Variants in ZFAT observed in about 807,000 individuals in gnomAD.
ZFAT encodes the protein zinc finger and AT-hook domain containing.
Under a neutral mutation model 117.7 loss-of-function variants are expected in ZFAT, and 64 were observed. That is an observed-to-expected ratio of 0.54 (90% confidence interval 0.44 to 0.67). ZFAT has a LOEUF of 0.67. ZFAT is among the 30% of genes least tolerant of loss of function. ZFAT has a pLI of 0.00. For missense variants in ZFAT, 1,433 were observed against 1,584.5 expected, an observed-to-expected ratio of 0.90 and a Z score of 1.62; for synonymous variants, 679 against 615.0, an observed-to-expected ratio of 1.10 and a Z score of -1.54.
At chr8:134,498,202 T>C (rs71528356) in intron 15 of ZFAT, among the ~76,000 whole-genome samples, 602 of 64,558 alleles carry the variant, frequency 9.3e-3, no homozygotes, top group Non-Finnish European at 0.013. Context: ...TTGGTAGGGT[T>C]GGGGTGGAGC....
At chr8:134,519,049 C>T (rs1414096239) in intron 13 of ZFAT, among the ~76,000 whole-genome samples, 1 of 152,116 alleles carries the variant, frequency 6.6e-6, no homozygotes, top group Admixed American at 6.5e-5. Context: ...GTTTTAATAT[C>T]TGGTAGGATT....
At chr8:134,712,419 G>A (rs1488643544) in intron 1 of ZFAT, among the ~76,000 whole-genome samples, 3 of 152,184 alleles carry the variant, frequency 2.0e-5, no homozygotes, top group African/African-American at 7.2e-5. Flanking sequence ...CCGGCGGCCG[G>A]GAAGCCTGCA....
chr8:134,505,149 T>C (rs1364156305), intron 15 of ZFAT, among the ~76,000 whole-genome samples: 1 of 152,224 alleles, frequency 6.6e-6, no homozygotes, highest in Non-Finnish European at 1.5e-5. Context: ...TATAATTTAC[T>C]TATTACATGT....
At chr8:134,713,269 C>T (rs957556044), upstream of ZFAT, among the ~76,000 whole-genome samples, 33 of 152,232 alleles carry the variant, frequency 2.2e-4, no homozygotes, top group African/African-American at 7.0e-4. Context: ...AGGAGTCTGG[C>T]GGTTGTGCCA....
chr8:134,662,107 G>A (rs930101771), intron 1 of ZFAT, among the ~76,000 whole-genome samples: 2 of 152,186 alleles, frequency 1.3e-5, no homozygotes, highest in African/African-American at 2.4e-5. Context: ...ATCAATGCTT[G>A]GTGAGGGCTG....
intron 10 of ZFAT, among the ~76,000 whole-genome samples, chr8:134,580,049 C>T (rs1825611930): frequency 6.6e-6 from 1 of 151,808 alleles, no homozygotes; most frequent in South Asian, 2.1e-4. Context: ...GGACAGGATG[C>T]CGAGGCAGGG....
chr8:134,544,455 T>A (rs889686611), intron 11 of ZFAT, among the ~76,000 whole-genome samples: 42 of 151,182 alleles, frequency 2.8e-4, no homozygotes, highest in East Asian at 1.7e-3. Flanking sequence ...AATTTTTTTT[T>A]AAAAAAATTA....
chr8:134,679,996 A>C (rs185132763), intron 1 of ZFAT, among the ~76,000 whole-genome samples: 56 of 152,118 alleles, frequency 3.7e-4, no homozygotes, highest in African/African-American at 1.3e-3. Flanking sequence ...AATGCAGATG[A>C]CAGGTTGATG....
intron 10 of ZFAT, among the ~76,000 whole-genome samples, chr8:134,577,402 C>T (rs1405592642): frequency 6.6e-6 from 1 of 152,108 alleles, no homozygotes; most frequent in South Asian, 2.1e-4. Flanking sequence ...TTATTCAATT[C>T]CTTTTTACTT....
intron 15 of ZFAT, among the ~76,000 whole-genome samples, chr8:134,483,760 G>C (rs1361150642): frequency 6.6e-6 from 1 of 152,206 alleles, no homozygotes; most frequent in African/African-American, 2.4e-5. Flanking sequence ...GCTGTCTCCA[G>C]TGTTCTGGAG....
intron 15 of ZFAT, among the ~76,000 whole-genome samples, chr8:134,493,252 AG>A (rs942925517): frequency 6.6e-6 from 1 of 152,124 alleles, no homozygotes; most frequent in African/African-American, 2.4e-5. Context: ...CCTAAGCCCC[AG>A]GCACTGGAGA....
At chr8:134,530,256 A>G (rs1004968375) in intron 12 of ZFAT, among the ~76,000 whole-genome samples, 3 of 152,248 alleles carry the variant, frequency 2.0e-5, no homozygotes, top group Non-Finnish European at 4.4e-5. Context: ...ATGAAATTAT[A>G]AAGTCTCATG....
chr8:134,485,532 T>C (rs1817605012), intron 15 of ZFAT, among the ~76,000 whole-genome samples: 1 of 152,232 alleles, frequency 6.6e-6, no homozygotes, highest in African/African-American at 2.4e-5. Flanking sequence ...ACACGTTTTC[T>C]GGAATCCTTG....
chr8:134,663,127 G>A (rs998682104), intron 1 of ZFAT, among the ~76,000 whole-genome samples: 2 of 152,226 alleles, frequency 1.3e-5, no homozygotes, highest in South Asian at 2.1e-4. Context: ...TCCTGCCTTC[G>A]TGATCGTCCA....
intron 15 of ZFAT, among the ~76,000 whole-genome samples, chr8:134,501,319 A>G (rs1168191956): frequency 6.6e-6 from 1 of 152,198 alleles, no homozygotes; most frequent in Non-Finnish European, 1.5e-5. Flanking sequence ...GGTCTTCCAC[A>G]GGCCTTTGAA....
chr8:134,486,772 G>A (rs1320108249), intron 15 of ZFAT, among the ~76,000 whole-genome samples: 1 of 152,194 alleles, frequency 6.6e-6, no homozygotes, highest in Non-Finnish European at 1.5e-5. Flanking sequence ...GCACCACGAT[G>A]AGCAGGACTT....
intron 1 of ZFAT, among the ~76,000 whole-genome samples, chr8:134,676,443 A>T (rs796984011): frequency 6.6e-6 from 1 of 152,194 alleles, no homozygotes; most frequent in Non-Finnish European, 1.5e-5. Flanking sequence ...CAGATTCATA[A>T]AACAACTTCT....
chr8:134,619,356 T>C (rs149834155), intron 3 of ZFAT, among the ~76,000 whole-genome samples: 153 of 152,258 alleles, frequency 1.0e-3, no homozygotes, highest in African/African-American at 2.3e-3. Context: ...TTTCACACCA[T>C]AGTAAAGTTG....
intron 1 of ZFAT, among the ~76,000 whole-genome samples, chr8:134,696,948 C>G (rs1439262228): frequency 1.3e-5 from 2 of 151,332 alleles, no homozygotes; most frequent in African/African-American, 2.4e-5. Context: ...AGACGAGTCT[C>G]GCTGTGTCGC....
Sources: gnomAD v4.1 joint callset for allele counts (sites outside exome capture counted in the v4.1 genomes callset) on GRCh38, gnomAD v4.1.1 for gene constraint, MANE v1.5 for transcripts, NCBI Gene and HGNC (gene_info 2026-07-23, HGNC 2026-07-21) for gene names.